Variants in CCSER1 observed in about 807,000 individuals in gnomAD.
The protein encoded by CCSER1 is serine-rich coiled-coil domain-containing protein 1.
In CCSER1, 41 loss-of-function variants were observed where a neutral mutation model predicts 82.0. The ratio of observed to expected loss-of-function variants is 0.50; its 90% CI spans 0.39 to 0.65. CCSER1 has a LOEUF of 0.65. Among genes scored for constraint, CCSER1 ranks in the 30% least tolerant of loss-of-function variants. The pLI is 0.00. For synonymous variants in CCSER1, 414 were observed against 383.9 expected (o/e 1.08, Z -0.92); for missense variants, 1,119 against 1,064.2 (o/e 1.05, Z -0.72).
chr4:90,627,540 G>A (rs1723519755), intron 5 of CCSER1, among the ~76,000 whole-genome samples: 1 of 151,924 alleles, frequency 6.6e-6, no homozygotes, highest in South Asian at 2.1e-4. Flanking sequence ...ATCATTATTG[G>A]ATAGGTCTTT....
chr4:90,712,062 G>A (rs1740711754), intron 6 of CCSER1, among the ~76,000 whole-genome samples: 1 of 147,188 alleles, frequency 6.8e-6, no homozygotes, highest in Non-Finnish European at 1.5e-5. Context: ...CTAGCTAGTG[G>A]TCTATCTATG....
chr4:90,226,056 G>T (rs1204281567), intron 1 of CCSER1, among the ~76,000 whole-genome samples: 2 of 152,320 alleles, frequency 1.3e-5, no homozygotes, highest in Non-Finnish European at 2.9e-5. Flanking sequence ...TAGAGATGCT[G>T]CAAGGAGAAT....
At chr4:91,519,517 GGCACCCCTTTTGCTGGA>G (rs1368121030) in intron 10 of CCSER1, among the ~76,000 whole-genome samples, 1 of 152,192 alleles carries the variant, frequency 6.6e-6, no homozygotes, top group Non-Finnish European at 1.5e-5. Context: ...AGGGAGCCTA[GGCACCCCTTTTGCTGGA>G]GCTGCAGCCA....
intron 1 of CCSER1, among the ~76,000 whole-genome samples, chr4:90,162,930 T>G (rs963551596): frequency 6.6e-6 from 1 of 152,126 alleles, no homozygotes; most frequent in African/African-American, 2.4e-5. Flanking sequence ...TTGAATAGTA[T>G]AAAACAATTT....
chr4:91,363,784 A>G (rs10516891), intron 10 of CCSER1, among the ~76,000 whole-genome samples: 113,620 of 151,510 alleles, frequency 0.75, 43,476 homozygotes, highest in East Asian at 0.9. Flanking sequence ...TACTATATTT[A>G]TTTCTGTATC....
intron 5 of CCSER1, among the ~76,000 whole-genome samples, chr4:90,490,547 T>C (rs76239708): frequency 0.11 from 16,933 of 152,204 alleles, 1,344 homozygotes; most frequent in East Asian, 0.37. Flanking sequence ...TTTGCCAATT[T>C]TAGCTTTTGT....
At chr4:91,255,310 G>T (rs987114738) in intron 10 of CCSER1, among the ~76,000 whole-genome samples, 2 of 152,100 alleles carry the variant, frequency 1.3e-5, no homozygotes, top group Non-Finnish European at 2.9e-5. Flanking sequence ...TAACCATAGA[G>T]TGTATTAAAA....
chr4:90,726,232 A>T (rs1743617846), intron 7 of CCSER1, among the ~76,000 whole-genome samples: 1 of 152,084 alleles, frequency 6.6e-6, no homozygotes, highest in South Asian at 2.1e-4. Context: ...ATCAAGGTGC[A>T]TACTTTTTTT....
chr4:90,513,811 A>T (rs1225852859), intron 5 of CCSER1, among the ~76,000 whole-genome samples: 1 of 152,178 alleles, frequency 6.6e-6, no homozygotes. Context: ...GGTGTGAGGG[A>T]CATGATGGAC....
At chr4:90,773,882 G>A (rs979855427) in intron 7 of CCSER1, among the ~76,000 whole-genome samples, 4 of 152,084 alleles carry the variant, frequency 2.6e-5, no homozygotes, top group Admixed American at 6.6e-5. Context: ...AAAAGGAGAC[G>A]TTAGATCGGG....
At chr4:90,404,481 C>A (rs887618453) in intron 4 of CCSER1, among the ~76,000 whole-genome samples, 1 of 152,300 alleles carries the variant, frequency 6.6e-6, no homozygotes, top group Admixed American at 6.5e-5. Context: ...GTCCCTAGGG[C>A]AAGTTTGCAT....
At chr4:90,354,332 G>A (rs1056428463) in intron 3 of CCSER1, among the ~76,000 whole-genome samples, 5 of 152,084 alleles carry the variant, frequency 3.3e-5, no homozygotes, top group East Asian at 1.9e-4. Context: ...GGGTATAAAC[G>A]TTCTAAGATG....
At chr4:90,210,989 G>A (rs986321971) in intron 1 of CCSER1, among the ~76,000 whole-genome samples, 1 of 152,050 alleles carries the variant, frequency 6.6e-6, no homozygotes, top group East Asian at 1.9e-4. Flanking sequence ...GTTGTCTTGA[G>A]TGTATTCTCA....
At chr4:90,435,784 A>G (rs1479170760) in intron 4 of CCSER1, among the ~76,000 whole-genome samples, 2 of 152,104 alleles carry the variant, frequency 1.3e-5, no homozygotes, top group Non-Finnish European at 2.9e-5. Flanking sequence ...TTCAATGAGT[A>G]TTAAGGTTTA....
At chr4:90,224,979 CAT>C (rs1356421243) in intron 1 of CCSER1, among the ~76,000 whole-genome samples, 2 of 152,102 alleles carry the variant, frequency 1.3e-5, no homozygotes, top group Admixed American at 6.6e-5. Context: ...ACTTCCCAAT[CAT>C]AAGACAGGCC....
intron 8 of CCSER1, among the ~76,000 whole-genome samples, chr4:90,825,479 A>C (rs2149801821): frequency 6.6e-6 from 1 of 152,112 alleles, no homozygotes; most frequent in Admixed American, 6.5e-5. Context: ...CCAAAGACTT[A>C]GAAAAAAATA....
chr4:91,147,108 G>T (rs1014605002), intron 10 of CCSER1, among the ~76,000 whole-genome samples: 3 of 152,194 alleles, frequency 2.0e-5, no homozygotes, highest in Non-Finnish European at 4.4e-5. Flanking sequence ...GGTTCCACTG[G>T]TCCTTTGAGC....
chr4:91,364,874 T>C (rs187066049), intron 10 of CCSER1, among the ~76,000 whole-genome samples: 101 of 152,232 alleles, frequency 6.6e-4, no homozygotes, highest in African/African-American at 2.0e-3. Context: ...TAAGTTTTTT[T>C]TCTCTGATAT....
At chr4:90,396,440 C>T (rs889186786) in intron 3 of CCSER1, among the ~76,000 whole-genome samples, 11 of 152,228 alleles carry the variant, frequency 7.2e-5, no homozygotes, top group Middle Eastern at 3.4e-3. Flanking sequence ...TACATGACTA[C>T]ATTTTATAAA....
Sources: allele counts gnomAD v4.1 joint callset (sites outside exome capture counted in the v4.1 genomes callset), GRCh38; gene constraint gnomAD v4.1.1; transcripts MANE v1.5; gene names NCBI Gene and HGNC (gene_info 2026-07-23, HGNC 2026-07-21).